Variants in KATNB1 observed in about 807,000 individuals in gnomAD.
The protein encoded by KATNB1 is katanin regulatory subunit B1.
KATNB1 carries 38 observed loss-of-function variants against 82.3 expected under a neutral mutation model. The ratio of observed to expected loss-of-function variants is 0.46; its 90% CI spans 0.36 to 0.61. KATNB1 has a LOEUF of 0.61. KATNB1 is among the 20% of genes least tolerant of loss of function. The pLI, the probability that KATNB1 is intolerant of heterozygous loss-of-function variation, is 0.00. For missense variants in KATNB1, 749 were observed against 915.7 expected (o/e 0.82, Z 2.35); for synonymous variants, 361 against 368.7 (o/e 0.98, Z 0.24).
At chr16:57,755,666 C>G in intron 16 of KATNB1, 172 bp downstream of exon 16, 1 of 1,019,908 alleles carries the variant, frequency 9.8e-7, no homozygotes, top group Non-Finnish European at 1.4e-6. Context: ...CACAGACTGC[C>G]GTTTAGTGAG....
At chr16:57,743,873 A>G (rs1555580479) in intron 3 of KATNB1, among the ~76,000 whole-genome samples, 1 of 152,034 alleles carries the variant, frequency 6.6e-6, no homozygotes, top group Admixed American at 6.5e-5. Context: ...CCCTCCTCCA[A>G]CCGCCACAGC....
chr16:57,755,800 TC>T (rs781889938), intron 16 of KATNB1, 40 bp from the exon 17 acceptor site: 48 of 1,546,844 alleles, frequency 3.1e-5, no homozygotes, highest in Non-Finnish European at 3.9e-5. Flanking sequence ...GGCCACACTG[TC>T]CCCCACTGCC....
chr16:57,754,860 C>A, intron 13 of KATNB1, 70 bp from the exon 14 acceptor site: 1 of 1,513,848 alleles, frequency 6.6e-7, no homozygotes, highest in Non-Finnish European at 9.2e-7. Flanking sequence ...CCCAGAGTCC[C>A]GCCCTGAGCC....
intron 4 of KATNB1, among the ~76,000 whole-genome samples, chr16:57,745,650 G>GC (rs1401881162): frequency 1.3e-5 from 2 of 151,626 alleles, no homozygotes; most frequent in Non-Finnish European, 2.9e-5. Flanking sequence ...ACCACTCCCA[G>GC]CCCCATGGCT....
In KATNB1 at chr16:57,753,959, C is replaced by A. The variant is rs782120659; in HGVS notation, c.1192C>A (p.Arg398=). 1 of 1,613,434 alleles carries A rather than the reference C, an allele frequency of 6.2e-7. No homozygotes were observed. Among genetic ancestry groups the A allele is most frequent in the African/African-American group, 1.3e-5 (1 of 74,880 alleles). ...PKNSISRTPP[R]RSEPFPAPPE... ...TTCCTCTGCAGGTCGGACGCCACCC[C>A]GGAGAAGTGAGCCCTTCCCTGCACC... The change falls in exon 13 of 20, where the codon CGG becomes AGG. Residue 398 remains arginine, a synonymous_variant. Transcript: ENST00000379661.
chr16:57,740,670 G>A (rs550336046), intron 2 of KATNB1, among the ~76,000 whole-genome samples: 3 of 152,170 alleles, frequency 2.0e-5, no homozygotes, highest in African/African-American at 7.2e-5. Context: ...CCGCCTCTTG[G>A]TTCCCTGCCT....
chr16:57,750,950 G>A lies in KATNB1; in HGVS notation c.390+23G>A, dbSNP rs782377861. On this transcript the variant is annotated intron_variant, in intron 5 of 19. Coordinates refer to ENST00000379661, the MANE Select transcript of KATNB1 (RefSeq NM_005886.3). ...AAGGTGAGAGGCCGGTCCGTGCCCC[G>A]TGTCTCCTGCTGGGCCTGTGGCAGG... 2.2e-5 allele frequency: 35 copies of A among 1,589,290 alleles called. No homozygotes were observed. The South Asian group carries it at 2.6e-4, about 12-fold the overall frequency.
At chr16:57,739,786 C>T (rs2049129018) in intron 2 of KATNB1, among the ~76,000 whole-genome samples, 1 of 152,184 alleles carries the variant, frequency 6.6e-6, no homozygotes, top group African/African-American at 2.4e-5. Context: ...GTGTCCCGCC[C>T]CCACCACCAT....
chr16:57,753,994 C>T lies in KATNB1; in HGVS notation c.1227C>T (p.Asp409=), dbSNP rs78290465. 12,758 of 1,613,476 alleles carry T rather than the reference C, an allele frequency of 7.9e-3. 849 individuals are homozygous for T. In the East Asian group the frequency reaches 0.18, roughly 22 times the overall value. The change falls in exon 13 of 20, where the codon GAC becomes GAT. Residue 409 remains aspartate, a splice_region_variant and synonymous_variant. Coordinates refer to ENST00000379661, the MANE Select transcript of KATNB1 (RefSeq NM_005886.3). The part of the protein sequence containing the change: ...RSEPFPAPPE[D]DAATAKEAAK... ...AGCCCTTCCCTGCACCCCCAGAGGA[C>T]GGTGAGTTGGGTGAGCCTGGTTTCC... is the stretch of plus-strand genomic sequence containing the variant.
intron 12 of KATNB1, 40 bp downstream of exon 12, chr16:57,753,559 G>C: frequency 6.2e-7 from 1 of 1,604,908 alleles, no homozygotes; most frequent in Non-Finnish European, 8.5e-7. Flanking sequence ...CGTCCCCATC[G>C]GTGAAAGGGA....
intron 2 of KATNB1, among the ~76,000 whole-genome samples, chr16:57,739,480 T>C (rs574820089): frequency 1.9e-3 from 297 of 152,372 alleles, no homozygotes; most frequent in Non-Finnish European, 3.1e-3. Context: ...CTCCCAGAGC[T>C]TGGCCTGCCA....
rs115933733 is a variant in KATNB1 at position 57,755,533 on chromosome 16, C to A, written c.1566+39C>A. ...CTTGCACAGGGCCTCATCTCGCCCC[C>A]CTGCCCCTGCCACCTGCCTGCCCGG... On this transcript the variant is annotated intron_variant, in intron 16 of 19. Coordinates refer to ENST00000379661, the MANE Select transcript of KATNB1 (RefSeq NM_005886.3). 12,582 of 1,592,782 alleles carry A rather than the reference C, an allele frequency of 7.9e-3. 65 individuals carry two copies. The highest frequency in any genetic ancestry group is 9.6e-3 in the Non-Finnish European group (11,226 of 1,166,602).
At chr16:57,742,409 T>A (rs543360970) in intron 3 of KATNB1, among the ~76,000 whole-genome samples, 79 of 152,370 alleles carry the variant, frequency 5.2e-4, no homozygotes, top group Non-Finnish European at 9.4e-4. Context: ...AGTTCCGTTA[T>A]CCAAAGGCCA....
chr16:57,749,781 A>C (rs1057069466), intron 4 of KATNB1, among the ~76,000 whole-genome samples: 6 of 152,122 alleles, frequency 3.9e-5, no homozygotes, highest in Non-Finnish European at 5.9e-5. Flanking sequence ...AAAGGATAGG[A>C]GATGTGGTTC....
At chr16:57,744,339 G>A (rs972259453) in intron 3 of KATNB1, 55 bp from the exon 4 acceptor site, 20 of 1,439,890 alleles carry the variant, frequency 1.4e-5, no homozygotes, top group Admixed American at 3.4e-5. Flanking sequence ...AATTCAGGGC[G>A]CAACTGCAGG....
At chr16:57,736,598 C>G (rs1367285823) in intron 1 of KATNB1, among the ~76,000 whole-genome samples, 1 of 152,076 alleles carries the variant, frequency 6.6e-6, no homozygotes, top group Non-Finnish European at 1.5e-5. Flanking sequence ...TCCTAGGCCC[C>G]TAAGCTTAGC....
At position 57,757,010 on chromosome 16, in the gene KATNB1, C is replaced by T; in HGVS notation, c.*64C>T. ...CCTGGCCTCAGCCCCCACTCCTGTT[C>T]CTTGTGCACCCACTGGCCCATGAGC... On this transcript the variant is annotated 3_prime_UTR_variant, in exon 20 of 20. Coordinates refer to ENST00000379661, the MANE Select transcript of KATNB1 (RefSeq NM_005886.3). 1 of 1,414,918 alleles carries T rather than the reference C, an allele frequency of 7.1e-7. No individual in the cohort carries two copies. Among genetic ancestry groups the T allele is most frequent in the Non-Finnish European group, 9.3e-7 (1 of 1,081,048 alleles). 87.6% of individuals were successfully genotyped at this position (1,414,918 alleles called of 1,614,324 possible).
At chr16:57,749,618 T>A (rs1321374879) in intron 4 of KATNB1, among the ~76,000 whole-genome samples, 2 of 152,158 alleles carry the variant, frequency 1.3e-5, no homozygotes, top group African/African-American at 2.4e-5. Context: ...CTTGGGATGG[T>A]CAGTTTCATT....
Position 57,752,931 on chromosome 16 carries a change from G to T in KATNB1, c.855+3G>T. 6.2e-7 allele frequency: 1 copy of T among 1,602,386 alleles called. No homozygotes were observed. The highest frequency in any genetic ancestry group is 8.5e-7 in the Non-Finnish European group (1 of 1,179,540). On this transcript the variant is annotated splice_donor_region_variant and intron_variant, in intron 10 of 19. Coordinates refer to ENST00000379661, the MANE Select transcript of KATNB1 (RefSeq NM_005886.3). ...TGGCCATCTGCAATGACCAGTTGGT[G>T]AGAGAGCCATGGCACCCACCGCCCC...
Sources: allele counts gnomAD v4.1 joint callset (sites outside exome capture counted in the v4.1 genomes callset), GRCh38; gene constraint gnomAD v4.1.1; transcripts MANE v1.5; gene names NCBI Gene and HGNC (gene_info 2026-07-23, HGNC 2026-07-21).